The following BCKDHB variants were observed in gnomAD, a reference collection of about 807,000 sequenced individuals.
BCKDHB encodes branched chain keto acid dehydrogenase E1 subunit beta, also known as 2-oxoisovalerate dehydrogenase subunit beta, mitochondrial.
A neutral mutation model predicts 48.5 loss-of-function variants in BCKDHB; 41 were observed. The ratio of observed to expected loss-of-function variants is 0.85; its 90% CI spans 0.66 to 1.10. BCKDHB has a LOEUF of 1.10. BCKDHB is among the 50% of genes least tolerant of loss of function. BCKDHB has a pLI of 0.00. For synonymous variants in BCKDHB, 201 were observed against 174.8 expected (o/e 1.15, Z -1.18); for missense variants, 496 against 494.2 (o/e 1.00, Z -0.03).
At chr6:80,419,849 G>T in the BCKDHB span, among the ~76,000 whole-genome samples, 1 of 151,508 alleles carries the variant, frequency 6.6e-6, no homozygotes, top group African/African-American at 2.4e-5. Flanking sequence ...TTTTCTTTTT[G>T]TTCCTTTGAA....
the BCKDHB span, among the ~76,000 whole-genome samples, chr6:80,385,845 G>A: frequency 6.6e-6 from 1 of 152,184 alleles, no homozygotes; most frequent in African/African-American, 2.4e-5. Flanking sequence ...TAAGGGTATG[G>A]GATAATGGTG....
chr6:80,352,156 T>TC, the BCKDHB span, among the ~76,000 whole-genome samples: 1 of 151,704 alleles, frequency 6.6e-6, no homozygotes, highest in East Asian at 1.9e-4. Flanking sequence ...TTGTTGTTTT[T>TC]TTTTTGGAGA....
the BCKDHB span, among the ~76,000 whole-genome samples, chr6:80,461,305 A>AT: frequency 2.0e-5 from 3 of 152,002 alleles, no homozygotes; most frequent in African/African-American, 4.8e-5. Flanking sequence ...GTCCACCTTC[A>AT]TTTTTTCCCA....
chr6:80,461,921 G>T, the BCKDHB span, among the ~76,000 whole-genome samples: 1 of 151,816 alleles, frequency 6.6e-6, no homozygotes, highest in Non-Finnish European at 1.5e-5. Context: ...GAGAAGAACT[G>T]CCTTTAATCA....
At chr6:80,466,228 C>T in the BCKDHB span, among the ~76,000 whole-genome samples, 1 of 152,070 alleles carries the variant, frequency 6.6e-6, no homozygotes, top group East Asian at 1.9e-4. Context: ...TATATGTATA[C>T]CCCATATTTC....
At chr6:80,207,345 A>G (rs1774714405) in intron 8 of BCKDHB, among the ~76,000 whole-genome samples, 1 of 151,932 alleles carries the variant, frequency 6.6e-6, no homozygotes, top group South Asian at 2.1e-4. Flanking sequence ...TTAGGTTATA[A>G]TCAAGGATAC....
intron 1 of BCKDHB, among the ~76,000 whole-genome samples, chr6:80,124,218 A>C (rs1770207881): frequency 6.6e-6 from 1 of 152,198 alleles, no homozygotes; most frequent in South Asian, 2.1e-4. Context: ...TGAGTTTCTT[A>C]ATCCTGAGTT....
At chr6:80,409,575 C>CATATATATAT in the BCKDHB span, among the ~76,000 whole-genome samples, 14 of 50,374 alleles carry the variant, frequency 2.8e-4, no homozygotes, top group South Asian at 2.3e-3. Context: ...GTATTGGTTG[C>CATATATATAT]ATATATATAT....
intron 3 of BCKDHB, among the ~76,000 whole-genome samples, chr6:80,159,086 A>G (rs1019934074): frequency 6.6e-6 from 1 of 152,204 alleles, no homozygotes; most frequent in African/African-American, 2.4e-5. Flanking sequence ...CTCTAATAAT[A>G]AGGTGACTAT....
At chr6:80,418,392 GC>G in the BCKDHB span, among the ~76,000 whole-genome samples, 1 of 152,196 alleles carries the variant, frequency 6.6e-6, no homozygotes, top group African/African-American at 2.4e-5. Context: ...GGGTTCTTGT[GC>G]TGATTCTTTC....
rs151245468 is a variant in BCKDHB at position 80,181,883 on chromosome 6, A to T, written c.742+10493A>T. On this transcript the variant is annotated intron_variant, in intron 6 of 9. Coordinates refer to ENST00000320393, the MANE Select transcript of BCKDHB (RefSeq NM_183050.4). ...AGATTTGGATTCTGTCTATTGCTTA[A>T]TCTTTTATATATGTTTGTACTGAAA... is the stretch of plus-strand genomic sequence containing the variant. 1.7e-3 allele frequency among the ~76,000 whole-genome samples: 263 copies of T among 152,324 alleles called. 1 individual carries two copies. Among genetic ancestry groups the T allele is most frequent in the African/African-American group, 6.0e-3 (249 of 41,582 alleles).
intron 5 of BCKDHB, chr6:80,169,977 A>G (rs1450072480): frequency 1.6e-6 from 2 of 1,281,702 alleles, no homozygotes; most frequent in Non-Finnish European, 2.0e-6. Flanking sequence ...GTTTTTAAGA[A>G]CAGATCTTTT....
the BCKDHB span, among the ~76,000 whole-genome samples, chr6:80,360,210 T>G: frequency 6.6e-6 from 1 of 152,234 alleles, no homozygotes; most frequent in African/African-American, 2.4e-5. Context: ...ACCTGTCTTG[T>G]GTGACTGTTT....
chr6:80,446,773 G>A, the BCKDHB span, among the ~76,000 whole-genome samples: 3 of 127,412 alleles, frequency 2.4e-5, no homozygotes, highest in African/African-American at 8.8e-5. Context: ...TACAGACTAA[G>A]AGTATTTAGC....
intron 1 of BCKDHB, among the ~76,000 whole-genome samples, chr6:80,121,197 C>G (rs1769998942): frequency 1.3e-5 from 2 of 152,084 alleles, no homozygotes; most frequent in Non-Finnish European, 2.9e-5. Flanking sequence ...ATTTTTGAGG[C>G]CTCTGTTCTG....
intron 8 of BCKDHB, among the ~76,000 whole-genome samples, chr6:80,208,718 T>C (rs1774783207): frequency 6.6e-6 from 1 of 151,816 alleles, no homozygotes; most frequent in African/African-American, 2.4e-5. Context: ...TCATTCAACA[T>C]TGATACAAGA....
At chr6:80,403,390 AT>A in the BCKDHB span, among the ~76,000 whole-genome samples, 3 of 151,896 alleles carry the variant, frequency 2.0e-5, no homozygotes, top group Admixed American at 6.6e-5. Context: ...CAGATAGTTC[AT>A]TAGCATATAG....
intron 6 of BCKDHB, among the ~76,000 whole-genome samples, chr6:80,195,395 A>T (rs1774085952): frequency 6.6e-6 from 1 of 152,182 alleles, no homozygotes; most frequent in African/African-American, 2.4e-5. Flanking sequence ...CAGTGCTAAA[A>T]GTAACAGTTG....
At chr6:80,316,333 T>C (rs2127999475) in intron 9 of BCKDHB, among the ~76,000 whole-genome samples, 1 of 152,326 alleles carries the variant, frequency 6.6e-6, no homozygotes, top group South Asian at 2.1e-4. Context: ...ATTCCAATTC[T>C]GTATCATTAT....
Sources: allele counts gnomAD v4.1 joint callset (sites outside exome capture counted in the v4.1 genomes callset), GRCh38; gene constraint gnomAD v4.1.1; transcripts MANE v1.5; gene names NCBI Gene and HGNC (gene_info 2026-07-23, HGNC 2026-07-21).